The following KHDRBS2 variants were observed in gnomAD, a reference collection of about 807,000 sequenced individuals.
KHDRBS2 encodes KH domain-containing, RNA-binding, signal transduction-associated protein 2.
In KHDRBS2, 26 loss-of-function variants were observed where a neutral mutation model predicts 44.3. The ratio of observed to expected loss-of-function variants is 0.59; its 90% CI spans 0.43 to 0.81. The LOEUF (loss-of-function observed/expected upper bound fraction) is 0.81, where lower values mean the gene tolerates loss of function less well. Among genes scored for constraint, KHDRBS2 ranks in the 40% least tolerant of loss-of-function variants. The pLI, the probability that KHDRBS2 is intolerant of heterozygous loss-of-function variation, is 0.00. For synonymous variants in KHDRBS2, 194 were observed against 151.1 expected (o/e 1.28, Z -2.08); for missense variants, 476 against 433.1 (o/e 1.10, Z -0.88).
At chr6:61,873,437 C>T (rs1304794673) in intron 6 of KHDRBS2, among the ~76,000 whole-genome samples, 6 of 151,310 alleles carry the variant, frequency 4.0e-5, no homozygotes, top group Non-Finnish European at 7.4e-5. Flanking sequence ...TTAATTAAAA[C>T]AATAATAACA....
At chr6:61,784,223 A>G (rs1311105332) in intron 6 of KHDRBS2, among the ~76,000 whole-genome samples, 1 of 151,798 alleles carries the variant, frequency 6.6e-6, no homozygotes, top group Non-Finnish European at 1.5e-5. Flanking sequence ...TTTAGGAATC[A>G]TAGACTCATG....
At chr6:61,928,733 C>CAT (rs1394205045) in intron 4 of KHDRBS2, among the ~76,000 whole-genome samples, 3 of 151,960 alleles carry the variant, frequency 2.0e-5, no homozygotes, top group Admixed American at 6.6e-5. Context: ...TCATATAGGA[C>CAT]ATATATGTTT....
At chr6:62,046,893 C>T (rs1233479502) in intron 3 of KHDRBS2, among the ~76,000 whole-genome samples, 1 of 151,776 alleles carries the variant, frequency 6.6e-6, no homozygotes, top group African/African-American at 2.4e-5. Context: ...ATTATTGAAC[C>T]ATTCTAAGAA....
intron 1 of KHDRBS2, among the ~76,000 whole-genome samples, chr6:62,213,861 G>A (rs564910505): frequency 1.1e-4 from 10 of 89,020 alleles, no homozygotes; most frequent in South Asian, 4.4e-4. Flanking sequence ...GTGACAGAGC[G>A]AGACTCCATC....
chr6:61,792,875 A>G (rs1784821312), intron 6 of KHDRBS2, among the ~76,000 whole-genome samples: 1 of 151,926 alleles, frequency 6.6e-6, no homozygotes, highest in South Asian at 2.1e-4. Context: ...TTAAAATTCT[A>G]AAAGGTTTGT....
chr6:62,221,337 G>A (rs1183410001), intron 1 of KHDRBS2, among the ~76,000 whole-genome samples: 2 of 151,950 alleles, frequency 1.3e-5, no homozygotes, highest in African/African-American at 4.8e-5. Flanking sequence ...ATATGTCAAA[G>A]GATATAAAGC....
chr6:62,167,839 G>A (rs549976986), intron 2 of KHDRBS2, among the ~76,000 whole-genome samples: 1 of 152,232 alleles, frequency 6.6e-6, no homozygotes, highest in African/African-American at 2.4e-5. Flanking sequence ...TTGGCTTTGA[G>A]TCGTAGTTTC....
At chr6:61,696,946 A>G (rs1767974445) in intron 8 of KHDRBS2, among the ~76,000 whole-genome samples, 1 of 152,196 alleles carries the variant, frequency 6.6e-6, no homozygotes, top group African/African-American at 2.4e-5. Flanking sequence ...GACGCTATTC[A>G]GAATGATCAC....
chr6:62,099,143 G>A (rs188192919), intron 2 of KHDRBS2, among the ~76,000 whole-genome samples: 7 of 152,112 alleles, frequency 4.6e-5, no homozygotes, highest in Non-Finnish European at 8.8e-5. Flanking sequence ...GTCAGTATCC[G>A]GTACCTTATT....
chr6:61,666,189 A>G, the KHDRBS2 span, among the ~76,000 whole-genome samples: 3 of 151,482 alleles, frequency 2.0e-5, no homozygotes, highest in South Asian at 2.1e-4. Context: ...TAAATACAAT[A>G]GAGCACTTAT....
intron 1 of KHDRBS2, among the ~76,000 whole-genome samples, chr6:62,213,701 C>T (rs1585233580): frequency 6.6e-6 from 1 of 151,242 alleles, no homozygotes; most frequent in African/African-American, 2.4e-5. Context: ...GGTGCAACCC[C>T]GTCTCTACTA....
rs192311934 is a variant in KHDRBS2 at position 62,099,268 on chromosome 6, G to T, written c.220-51274C>A. Among the ~76,000 whole-genome samples the T allele has an allele frequency of 5.1e-3, 779 of 152,186 alleles. 4 individuals carry two copies. The highest frequency in any genetic ancestry group is 7.6e-3 in the Non-Finnish European group (520 of 67,994). ...ATTTCACTCTTCAGAACACAGCTTTGTTTATGCCAGTCCTTCTAGAGATTC... is the reference window on the plus strand; with the variant it reads ...ATTTCACTCTTCAGAACACAGCTTTTTTTATGCCAGTCCTTCTAGAGATTC... On this transcript the variant is annotated intron_variant, in intron 2 of 8. Transcript: ENST00000281156.
chr6:61,712,487 T>A (rs141117070), intron 7 of KHDRBS2, among the ~76,000 whole-genome samples: 6 of 151,968 alleles, frequency 3.9e-5, no homozygotes, highest in Non-Finnish European at 7.4e-5. Flanking sequence ...GTTTTAGAGT[T>A]TCCCAATAAG....
At chr6:62,267,584 G>C (rs1839406572) in intron 1 of KHDRBS2, among the ~76,000 whole-genome samples, 1 of 151,990 alleles carries the variant, frequency 6.6e-6, no homozygotes, top group African/African-American at 2.4e-5. Context: ...CTAGGGAATA[G>C]AAAGTGGAGC....
At chr6:62,116,191 T>G (rs1208075079) in intron 2 of KHDRBS2, among the ~76,000 whole-genome samples, 2 of 152,134 alleles carry the variant, frequency 1.3e-5, no homozygotes, top group African/African-American at 4.8e-5. Context: ...TATGTATTAT[T>G]TTTGTGGTAA....
chr6:62,082,190 T>C (rs567719414), intron 2 of KHDRBS2, among the ~76,000 whole-genome samples: 103 of 152,238 alleles, frequency 6.8e-4, no homozygotes, highest in African/African-American at 2.4e-3. Flanking sequence ...CCAGTTAATC[T>C]GACTTCCAGA....
chr6:62,017,438 A>G (rs1168081986), intron 3 of KHDRBS2, among the ~76,000 whole-genome samples: 1 of 152,140 alleles, frequency 6.6e-6, no homozygotes, highest in Non-Finnish European at 1.5e-5. Flanking sequence ...TCAATCCTCA[A>G]ATTGCAAACT....
intron 8 of KHDRBS2, among the ~76,000 whole-genome samples, chr6:61,690,498 A>G (rs1253071413): frequency 6.6e-6 from 1 of 152,048 alleles, no homozygotes. Context: ...TCAACAAGAG[A>G]GTTGTTAAAC....
chr6:62,129,369 G>C (rs1187630880), intron 2 of KHDRBS2, among the ~76,000 whole-genome samples: 1 of 151,828 alleles, frequency 6.6e-6, no homozygotes, highest in Non-Finnish European at 1.5e-5. Flanking sequence ...AAAGTTCCAA[G>C]GTGAAAAAAA....
Sources: gnomAD v4.1 joint callset for allele counts (sites outside exome capture counted in the v4.1 genomes callset) on GRCh38, gnomAD v4.1.1 for gene constraint, MANE v1.5 for transcripts, NCBI Gene and HGNC (gene_info 2026-07-23, HGNC 2026-07-21) for gene names.